Variants in PPFIBP2 observed in about 807,000 individuals in gnomAD.
PPFIBP2 encodes PPFIB scaffold protein 2.
Under a neutral mutation model 118.3 loss-of-function variants are expected in PPFIBP2, and 118 were observed. The ratio of observed to expected loss-of-function variants is 1.00; its 90% CI spans 0.86 to 1.16. PPFIBP2 has a LOEUF of 1.16. Among genes scored for constraint, PPFIBP2 ranks in the 50% most tolerant of loss-of-function variants. The pLI, the probability that PPFIBP2 is intolerant of heterozygous loss-of-function variation, is 0.00. For synonymous variants in PPFIBP2, 414 were observed against 397.4 expected (o/e 1.04, Z -0.50); for missense variants, 1,195 against 1,073.1 (o/e 1.11, Z -1.59).
At chr11:7,579,495 C>T (rs1231078753) in intron 3 of PPFIBP2, among the ~76,000 whole-genome samples, 1 of 152,096 alleles carries the variant, frequency 6.6e-6, no homozygotes, top group East Asian at 1.9e-4. Flanking sequence ...GTAAGAAATG[C>T]ACTGACCATC....
intron 17 of PPFIBP2, among the ~76,000 whole-genome samples, chr11:7,644,124 TTG>T (rs1852624539): frequency 6.6e-6 from 1 of 152,192 alleles, no homozygotes; most frequent in Non-Finnish European, 1.5e-5. Context: ...ATTATTATTA[TTG>T]TATTTCTTAT....
intron 3 of PPFIBP2, among the ~76,000 whole-genome samples, chr11:7,567,619 T>C (rs951269132): frequency 6.6e-6 from 1 of 152,256 alleles, no homozygotes; most frequent in East Asian, 1.9e-4. Flanking sequence ...TGGACAGAGA[T>C]AGCCTGTCTG....
chr11:7,644,518 G>A (rs991467338), intron 17 of PPFIBP2, among the ~76,000 whole-genome samples: 1 of 152,104 alleles, frequency 6.6e-6, no homozygotes, highest in African/African-American at 2.4e-5. Flanking sequence ...TTGCCCTTCA[G>A]GACTCCAGCT....
downstream of PPFIBP2, chr11:7,657,020 G>T: frequency 5.8e-6 from 2 of 346,160 alleles, no homozygotes; most frequent in South Asian, 4.4e-5. Context: ...TTCACCGCAG[G>T]CTTCATACCT....
chr11:7,587,583 G>A (rs902535562), intron 3 of PPFIBP2, among the ~76,000 whole-genome samples: 31 of 152,200 alleles, frequency 2.0e-4, no homozygotes, highest in African/African-American at 6.3e-4. Context: ...AGCGTGCACC[G>A]GGGATGAGAA....
At chr11:7,566,856 AAT>A (rs1446397629) in intron 3 of PPFIBP2, among the ~76,000 whole-genome samples, 3 of 152,190 alleles carry the variant, frequency 2.0e-5, no homozygotes, top group Non-Finnish European at 4.4e-5. Context: ...TAGGTTAAAA[AAT>A]AGTTCCCATA....
intron 1 of PPFIBP2, chr11:7,548,480 A>G (rs1255133262): frequency 6.6e-6 from 1 of 151,666 alleles, no homozygotes; most frequent in Non-Finnish European, 1.5e-5. Context: ...AGCAAACAGC[A>G]ACTCCTCCAG....
chr11:7,580,009 C>T (rs1857031758), intron 3 of PPFIBP2, among the ~76,000 whole-genome samples: 1 of 152,090 alleles, frequency 6.6e-6, no homozygotes, highest in Non-Finnish European at 1.5e-5. Context: ...TGATGAGCCC[C>T]CCTGGACTCA....
downstream of PPFIBP2, among the ~76,000 whole-genome samples, chr11:7,656,099 G>A (rs191444570): frequency 3.3e-5 from 5 of 152,274 alleles, no homozygotes; most frequent in Admixed American, 1.3e-4. Context: ...CCTGAGCTTT[G>A]GCTTAGTTAT....
rs760573759 is a variant in PPFIBP2, at chr11:7,621,047, CT to C, written c.711+22del. ...ACTAAGGTAAACGGCACTCCTGATG[CT>C]TATGGAGAGAGTATGAGGGCCTTGT... On this transcript the variant is annotated intron_variant, in intron 7 of 23. Coordinates refer to ENST00000299492, the MANE Select transcript of PPFIBP2 (RefSeq NM_003621.5). The C allele has an allele frequency of 3.2e-6, 5 of 1,554,992 alleles. No homozygotes were observed. Among genetic ancestry groups the C allele is most frequent in the Non-Finnish European group, 4.4e-6 (5 of 1,126,268 alleles).
intron 10 of PPFIBP2, among the ~76,000 whole-genome samples, chr11:7,630,019 G>T (rs1850545416): frequency 6.6e-6 from 1 of 152,238 alleles, no homozygotes; most frequent in South Asian, 2.1e-4. Context: ...GAGAGCTGCT[G>T]TGTTTTATAT....
chr11:7,577,334 T>TGC (rs1275771509), intron 3 of PPFIBP2: 41 of 271,420 alleles, frequency 1.5e-4, no homozygotes, highest in East Asian at 4.0e-4. Context: ...TGTGTGTGTG[T>TGC]GTGTGTGTGT....
intron 1 of PPFIBP2, among the ~76,000 whole-genome samples, chr11:7,536,563 T>TA (rs1307724220): frequency 6.6e-6 from 1 of 151,572 alleles, no homozygotes; most frequent in Non-Finnish European, 1.5e-5. Flanking sequence ...GAAGAGAGGG[T>TA]AAGAGATGAG....
At chr11:7,595,862 T>G (rs1291738133) in intron 4 of PPFIBP2, among the ~76,000 whole-genome samples, 1 of 151,244 alleles carries the variant, frequency 6.6e-6, no homozygotes, top group Admixed American at 6.6e-5. Flanking sequence ...TTCATTATAA[T>G]GTAACTCCTT....
the PPFIBP2 span, chr11:7,665,407 C>A: frequency 6.2e-7 from 1 of 1,603,326 alleles, no homozygotes; most frequent in Admixed American, 1.7e-5. Context: ...GGGTATAACC[C>A]AGCTTCTCCA....
At chr11:7,663,847 A>G in the PPFIBP2 span, among the ~76,000 whole-genome samples, 2 of 152,046 alleles carry the variant, frequency 1.3e-5, no homozygotes, top group South Asian at 2.1e-4. Flanking sequence ...ATATAATCTC[A>G]TGGTGCGCCG....
At chr11:7,582,307 G>A (rs934296768) in intron 3 of PPFIBP2, among the ~76,000 whole-genome samples, 1 of 152,114 alleles carries the variant, frequency 6.6e-6, no homozygotes, top group African/African-American at 2.4e-5. Flanking sequence ...AGTGGATATG[G>A]TCACCCAAGG....
the PPFIBP2 span, chr11:7,666,356 C>A: frequency 1.2e-6 from 1 of 829,186 alleles, no homozygotes. Flanking sequence ...TCTGGTCCTA[C>A]AAAACTAAAA....
intron 3 of PPFIBP2, chr11:7,572,131 T>A (rs1337072951): frequency 6.6e-6 from 1 of 152,120 alleles, no homozygotes; most frequent in African/African-American, 2.4e-5. Flanking sequence ...GACCTGACCT[T>A]CCCCTGTGGA....
Sources: gnomAD v4.1 joint callset for allele counts (sites outside exome capture counted in the v4.1 genomes callset) on GRCh38, gnomAD v4.1.1 for gene constraint, MANE v1.5 for transcripts, NCBI Gene and HGNC (gene_info 2026-07-23, HGNC 2026-07-21) for gene names.